Variants in EFR3A observed in about 807,000 individuals in gnomAD.
EFR3A encodes the protein EFR3 homolog A.
EFR3A carries 76 observed loss-of-function variants against 104.4 expected under a neutral mutation model. That is an observed-to-expected ratio of 0.73 (90% CI 0.60 to 0.88). EFR3A has a LOEUF of 0.88. Ranked by LOEUF, EFR3A falls within the 40% of genes least tolerant of loss-of-function variation. EFR3A has a pLI of 0.00. For synonymous variants in EFR3A, 330 were observed against 330.0 expected, an observed-to-expected ratio of 1.00 and a Z score of 0.00; for missense variants, 985 against 1,012.5, an observed-to-expected ratio of 0.97 and a Z score of 0.37.
chr8:131,930,941 AC>A (rs1817570228), intron 1 of EFR3A, among the ~76,000 whole-genome samples: 1 of 152,154 alleles, frequency 6.6e-6, no homozygotes, highest in African/African-American at 2.4e-5. Context: ...TTAGGTAAGG[AC>A]AGTTTCCCGA....
intron 1 of EFR3A, among the ~76,000 whole-genome samples, chr8:131,906,794 T>G (rs1816284853): frequency 6.6e-6 from 1 of 152,314 alleles, no homozygotes. Context: ...TAGGCACAGA[T>G]TTCAAGACTA....
chr8:131,914,113 C>T (rs928648714), intron 1 of EFR3A, among the ~76,000 whole-genome samples: 4 of 152,208 alleles, frequency 2.6e-5, no homozygotes, highest in African/African-American at 9.7e-5. Context: ...CCATCTGCTG[C>T]AGCTGGCTCT....
At chr8:131,915,603 G>A (rs1816708587) in intron 1 of EFR3A, among the ~76,000 whole-genome samples, 1 of 152,184 alleles carries the variant, frequency 6.6e-6, no homozygotes, top group Non-Finnish European at 1.5e-5. Flanking sequence ...GCTATTGGGG[G>A]CCCAGGGGAG....
intron 1 of EFR3A, among the ~76,000 whole-genome samples, chr8:131,922,449 A>G (rs567206160): frequency 2.6e-5 from 4 of 152,272 alleles, no homozygotes; most frequent in South Asian, 2.1e-4. Context: ...TATGTATTCT[A>G]CAAGTACCCT....
chr8:131,931,532 C>CA, intron 1 of EFR3A, among the ~76,000 whole-genome samples: 1 of 152,080 alleles, frequency 6.6e-6, no homozygotes, highest in African/African-American at 2.4e-5. Flanking sequence ...ATTTTGTTTT[C>CA]TGTAATGTTG....
intron 8 of EFR3A, among the ~76,000 whole-genome samples, chr8:131,962,705 T>C (rs1478850950): frequency 6.6e-6 from 1 of 152,208 alleles, no homozygotes; most frequent in African/African-American, 2.4e-5. Flanking sequence ...AACTCAGCTC[T>C]GCACCAAGTG....
intron 1 of EFR3A, among the ~76,000 whole-genome samples, chr8:131,906,777 CA>C (rs1816284091): frequency 1.3e-5 from 2 of 152,196 alleles, no homozygotes; most frequent in Non-Finnish European, 2.9e-5. Context: ...TAGTCTGAAA[CA>C]ATCCTTAGGC....
intron 1 of EFR3A, among the ~76,000 whole-genome samples, chr8:131,909,253 A>G (rs1039253782): frequency 1.8e-4 from 27 of 152,218 alleles, no homozygotes; most frequent in African/African-American, 6.3e-4. Flanking sequence ...ATAGTGTTAT[A>G]AAAGTTTTAT....
chr8:131,905,733 A>C (rs1816226374), intron 1 of EFR3A, among the ~76,000 whole-genome samples: 1 of 152,220 alleles, frequency 6.6e-6, no homozygotes, highest in Non-Finnish European at 1.5e-5. Context: ...CACGTTATTC[A>C]GTGAATATCT....
chr8:131,934,653 A>G (rs780966139), intron 1 of EFR3A, among the ~76,000 whole-genome samples: 1 of 152,072 alleles, frequency 6.6e-6, no homozygotes, highest in Non-Finnish European at 1.5e-5. Context: ...GTATATATAT[A>G]TAAAAATACA....
At chr8:131,957,235 A>G (rs1359932441) in intron 7 of EFR3A, among the ~76,000 whole-genome samples, 1 of 152,150 alleles carries the variant, frequency 6.6e-6, no homozygotes. Flanking sequence ...TTGATGGGTG[A>G]TTGACATGCA....
chr8:132,003,016 A>G (rs1019092253), intron 21 of EFR3A, among the ~76,000 whole-genome samples: 2 of 152,110 alleles, frequency 1.3e-5, no homozygotes, highest in Non-Finnish European at 2.9e-5. Context: ...GTTTGTTGAT[A>G]TGTTTTTAAC....
intron 1 of EFR3A, among the ~76,000 whole-genome samples, chr8:131,924,345 A>G (rs1260632750): frequency 6.6e-6 from 1 of 152,066 alleles, no homozygotes; most frequent in Non-Finnish European, 1.5e-5. Context: ...TTGACACGTG[A>G]AAAGACTAAT....
At chr8:131,955,034 GGCAC>G (rs1176423305) in intron 6 of EFR3A, among the ~76,000 whole-genome samples, 5 of 151,954 alleles carry the variant, frequency 3.3e-5, no homozygotes, top group Non-Finnish European at 7.4e-5. Context: ...TCCTGTTCTT[GGCAC>G]TGTAGCTGAG....
At chr8:132,006,605 A>G (rs1305193709) in intron 22 of EFR3A, among the ~76,000 whole-genome samples, 2 of 152,104 alleles carry the variant, frequency 1.3e-5, no homozygotes, top group African/African-American at 2.4e-5. Context: ...CATTTAGGTA[A>G]GAAATAATAC....
At chr8:131,990,594 A>G (rs919618131) in intron 18 of EFR3A, among the ~76,000 whole-genome samples, 6 of 152,222 alleles carry the variant, frequency 3.9e-5, no homozygotes, top group African/African-American at 1.4e-4. Context: ...GCAATGGGGA[A>G]GCATGAGTGA....
chr8:131,906,419 G>A (rs554694766), intron 1 of EFR3A, among the ~76,000 whole-genome samples: 3 of 152,288 alleles, frequency 2.0e-5, no homozygotes, highest in South Asian at 4.1e-4. Context: ...TAATCCGTAC[G>A]AGTTTTAATT....
intron 14 of EFR3A, among the ~76,000 whole-genome samples, chr8:131,982,302 T>A (rs28528251): frequency 0.16 from 23,695 of 152,152 alleles, 2,323 homozygotes; most frequent in East Asian, 0.34. Context: ...AGGTTTTTTT[T>A]AATTCAGCTC....
Position 131,949,995 on chromosome 8 carries a change from A to C in EFR3A, c.393A>C (p.Glu131Asp). 6.3e-7 allele frequency: 1 copy of C among 1,599,314 alleles called. No homozygotes were observed. The highest frequency in any genetic ancestry group is 8.5e-7 in the Non-Finnish European group (1 of 1,174,888). The change falls in exon 5 of 23, where the codon GAA becomes GAC. Residue 131 changes from glutamate (E) to aspartate (D), a missense_variant. Glu to Asp is a conservative substitution (Grantham distance 45). Transcript: ENST00000254624. ...TTGTCAAATTTGCAAATATTGAAGAAGACACACCATCCTATCACAGACGTT... is the reference window on the plus strand; with the variant it reads ...TTGTCAAATTTGCAAATATTGAAGACGACACACCATCCTATCACAGACGTT... ...NSFVKFANIEEDTPSYHRRYD... is the reference protein window; with the variant it reads ...NSFVKFANIEDDTPSYHRRYD...
Sources: allele counts gnomAD v4.1 joint callset (sites outside exome capture counted in the v4.1 genomes callset), GRCh38; gene constraint gnomAD v4.1.1; transcripts MANE v1.5; gene names NCBI Gene and HGNC (gene_info 2026-07-23, HGNC 2026-07-21).